The following CNTNAP2 variants were observed in gnomAD, a reference collection of about 807,000 sequenced individuals.
CNTNAP2 encodes the protein contactin associated protein 2, also known as contactin-associated protein-like 2.
Under a neutral mutation model 155.2 loss-of-function variants are expected in CNTNAP2, and 98 were observed. The ratio of observed to expected loss-of-function variants is 0.63; its 90% CI spans 0.54 to 0.75. The LOEUF is 0.75. Ranked by LOEUF, CNTNAP2 falls within the 30% of genes least tolerant of loss-of-function variation. The pLI is 0.00. For missense variants in CNTNAP2, 1,727 were observed against 1,688.1 expected (o/e 1.02, Z -0.40); for synonymous variants, 651 against 631.2 (o/e 1.03, Z -0.47).
intron 13 of CNTNAP2, among the ~76,000 whole-genome samples, chr7:147,774,334 A>G (rs1014822153): frequency 6.6e-5 from 10 of 152,182 alleles, no homozygotes; most frequent in African/African-American, 2.4e-4. Context: ...AGCAAATAAG[A>G]AATTCCATGG....
At chr7:146,469,809 C>T (rs2042430676) in intron 1 of CNTNAP2, among the ~76,000 whole-genome samples, 3 of 150,062 alleles carry the variant, frequency 2.0e-5, no homozygotes, top group South Asian at 2.1e-4. Context: ...GGATTACAGG[C>T]GTGAGCCACC....
At chr7:148,097,920 G>A (rs565996215) in intron 15 of CNTNAP2, among the ~76,000 whole-genome samples, 1 of 152,302 alleles carries the variant, frequency 6.6e-6, no homozygotes, top group South Asian at 2.1e-4. Context: ...TAAGCAAGCA[G>A]TACATAAATT....
chr7:148,148,356 A>T (rs1399334444), intron 17 of CNTNAP2, among the ~76,000 whole-genome samples: 2 of 152,206 alleles, frequency 1.3e-5, no homozygotes, highest in African/African-American at 4.8e-5. Flanking sequence ...TGAACCTAAA[A>T]TTACTTCAAA....
At chr7:146,328,350 G>A (rs1801129160) in intron 1 of CNTNAP2, among the ~76,000 whole-genome samples, 1 of 152,104 alleles carries the variant, frequency 6.6e-6, no homozygotes. Flanking sequence ...GGGGACCACT[G>A]TTCTATCAAA....
chr7:147,243,205 C>G (rs1803982030), intron 8 of CNTNAP2, among the ~76,000 whole-genome samples: 1 of 151,716 alleles, frequency 6.6e-6, no homozygotes, highest in African/African-American at 2.4e-5. Flanking sequence ...ACCATGTTGG[C>G]CAGGCTGGTC....
intron 15 of CNTNAP2, among the ~76,000 whole-genome samples, chr7:148,002,165 C>A (rs531530955): frequency 6.6e-6 from 1 of 152,302 alleles, no homozygotes; most frequent in South Asian, 2.1e-4. Flanking sequence ...CCAATTTCTA[C>A]AAGATACTTA....
In CNTNAP2 at chr7:147,894,937, T is replaced by TTTTC. The variant is rs554440037; in HGVS notation, c.2099-8600_2099-8597dup. Reference sequence around the variant, plus strand: ...AAATAACAGAAATCTATTGGTTTCTTTTTCTTTCTTTCTTTCTTTCTTTCT... The same window carrying TTTTC: ...AAATAACAGAAATCTATTGGTTTCTTTTTCTTTCTTTCTTTCTTTCTTTCTTTCT... On this transcript the variant is annotated intron_variant, in intron 13 of 23. Transcript: ENST00000361727. Among the ~76,000 whole-genome samples the TTTTC allele has an allele frequency of 2.1e-3, 199 of 96,520 alleles. 6 individuals carry two copies. The highest frequency in any genetic ancestry group is 2.9e-3 in the Non-Finnish European group (156 of 53,024). 63.3% of individuals were successfully genotyped at this position (96,520 alleles called of 152,430 possible). A position where few individuals can be genotyped will look rare whatever the true frequency, so the allele number is the denominator to read the frequency against.
At chr7:146,322,997 T>G (rs1008831209) in intron 1 of CNTNAP2, among the ~76,000 whole-genome samples, 1 of 152,108 alleles carries the variant, frequency 6.6e-6, no homozygotes, top group African/African-American at 2.4e-5. Context: ...TCTTTGGATT[T>G]AGAGCCAAAA....
chr7:146,728,611 C>CA (rs35250478), intron 1 of CNTNAP2, among the ~76,000 whole-genome samples: 11,528 of 114,936 alleles, frequency 0.1, 569 homozygotes, highest in African/African-American at 0.15. Flanking sequence ...TTTTAGGCTG[C>CA]AAAAAAAAAA....
chr7:147,666,702 T>C (rs1038224999), intron 13 of CNTNAP2, among the ~76,000 whole-genome samples: 71 of 152,206 alleles, frequency 4.7e-4, no homozygotes, highest in African/African-American at 1.7e-3. Flanking sequence ...ATTTTATTCA[T>C]CACGGTCCTT....
At chr7:148,078,274 G>A (rs60694208) in intron 15 of CNTNAP2, among the ~76,000 whole-genome samples, 8,636 of 152,032 alleles carry the variant, frequency 0.057, 309 homozygotes, top group Admixed American at 0.12. Flanking sequence ...ATGTTGGCCA[G>A]GCTTGTCTCA....
chr7:147,129,106 G>C (rs1306407192), intron 7 of CNTNAP2, among the ~76,000 whole-genome samples: 1 of 152,146 alleles, frequency 6.6e-6, no homozygotes, highest in African/African-American at 2.4e-5. Flanking sequence ...ATGACTCGTG[G>C]CACGTGCTTC....
intron 15 of CNTNAP2, among the ~76,000 whole-genome samples, chr7:148,006,239 T>C (rs1801976226): frequency 6.6e-6 from 1 of 151,430 alleles, no homozygotes; most frequent in South Asian, 2.1e-4. Context: ...AAATAGAGAA[T>C]ATGAAAGAAA....
At chr7:147,304,417 T>C (rs1794992088) in intron 9 of CNTNAP2, among the ~76,000 whole-genome samples, 1 of 152,252 alleles carries the variant, frequency 6.6e-6, no homozygotes, top group Non-Finnish European at 1.5e-5. Flanking sequence ...GTAATAAGCT[T>C]TCTGATACAG....
At chr7:148,330,574 AG>A in intron 21 of CNTNAP2, among the ~76,000 whole-genome samples, 1 of 143,440 alleles carries the variant, frequency 7.0e-6, no homozygotes, top group African/African-American at 2.6e-5. Context: ...GGATGGATGG[AG>A]TGGATGGATG....
chr7:147,591,455 A>G (rs994160171), intron 12 of CNTNAP2, among the ~76,000 whole-genome samples: 3 of 152,122 alleles, frequency 2.0e-5, no homozygotes, highest in African/African-American at 7.2e-5. Flanking sequence ...TAAAGGTCCT[A>G]TCTCCAAATA....
At chr7:147,583,868 ATC>A (rs1355548673) in intron 12 of CNTNAP2, among the ~76,000 whole-genome samples, 1 of 152,038 alleles carries the variant, frequency 6.6e-6, no homozygotes, top group Non-Finnish European at 1.5e-5. Flanking sequence ...TATCGGTAGC[ATC>A]TCACAATCTC....
intron 14 of CNTNAP2, among the ~76,000 whole-genome samples, chr7:147,927,971 T>C (rs183991355): frequency 5.6e-4 from 86 of 152,322 alleles, no homozygotes; most frequent in African/African-American, 1.9e-3. Flanking sequence ...CTTCCATAAT[T>C]CCCACATGTG....
At chr7:147,761,439 T>C (rs376909576) in intron 13 of CNTNAP2, among the ~76,000 whole-genome samples, 2 of 152,248 alleles carry the variant, frequency 1.3e-5, no homozygotes, top group Admixed American at 6.5e-5. Context: ...GCTTTAGAGG[T>C]TTCCTTCAAA....
Sources: gnomAD v4.1 joint callset for allele counts (sites outside exome capture counted in the v4.1 genomes callset) on GRCh38, gnomAD v4.1.1 for gene constraint, MANE v1.5 for transcripts, NCBI Gene and HGNC (gene_info 2026-07-23, HGNC 2026-07-21) for gene names.